The following CAND1 variants were observed in gnomAD, a reference collection of about 807,000 sequenced individuals.
CAND1 encodes the protein cullin-associated NEDD8-dissociated protein 1.
Under a neutral mutation model 108.5 loss-of-function variants are expected in CAND1, and 7 were observed. That is an observed-to-expected ratio of 0.06 (90% CI 0.04 to 0.12). The LOEUF (loss-of-function observed/expected upper bound fraction) is 0.12, where lower values mean the gene tolerates loss of function less well. CAND1 is among the 10% of genes least tolerant of loss of function. The pLI is 1.00. For missense variants in CAND1, 941 were observed against 1,448.7 expected, an observed-to-expected ratio of 0.65 and a Z score of 5.69; for synonymous variants, 534 against 512.0, an observed-to-expected ratio of 1.04 and a Z score of -0.58.
chr12:67,292,255 T>C (rs996537496), intron 2 of CAND1, among the ~76,000 whole-genome samples: 5 of 152,150 alleles, frequency 3.3e-5, no homozygotes, highest in African/African-American at 1.2e-4. Context: ...GGAGGATTGC[T>C]TGAGCCCAGG....
chr12:67,269,447 G>C lies in CAND1; in HGVS notation c.-271G>C, dbSNP rs1046850696. 6.3e-6 allele frequency: 3 copies of C among 474,622 alleles called. No homozygotes were observed. The highest frequency in any genetic ancestry group is 1.1e-5 in the Non-Finnish European group (3 of 271,626). The allele number at this position is 474,622 out of a possible 1,614,324, so 29.4% of individuals were successfully genotyped here. ...GCTCCCCGTAGAGGCCCTTCTGTAC[G>C]CCCCGCCGCCCATGAGCTCGTTCTC... On this transcript the variant is annotated 5_prime_UTR_variant, in exon 1 of 15. Coordinates refer to ENST00000545606, the MANE Select transcript of CAND1 (RefSeq NM_018448.5).
chr12:67,269,359 T>C lies in CAND1; in HGVS notation c.-359T>C. On this transcript the variant is annotated 5_prime_UTR_variant, in exon 1 of 15. Coordinates refer to ENST00000545606, the MANE Select transcript of CAND1 (RefSeq NM_018448.5). ...GGAGCGAAGGAGGCGGGCTTTGGCC[T>C]TTTGCCCTAGGGAGCGAGTGCGGAG... 1 of 264,162 alleles carries C rather than the reference T, an allele frequency of 3.8e-6. No individual in the cohort carries two copies. Among genetic ancestry groups the C allele is most frequent in the Non-Finnish European group, 7.2e-6 (1 of 138,734 alleles). The allele number at this position is 264,162 out of a possible 1,614,324, so 16.4% of individuals were successfully genotyped here. A position where few individuals can be genotyped will look rare whatever the true frequency, so the allele number is the denominator to read the frequency against.
intron 1 of CAND1, among the ~76,000 whole-genome samples, chr12:67,280,563 G>T (rs2044610175): frequency 6.6e-6 from 1 of 152,200 alleles, no homozygotes; most frequent in Non-Finnish European, 1.5e-5. Context: ...AGTTATCTTA[G>T]TTGGATTGCT....
intron 1 of CAND1, among the ~76,000 whole-genome samples, chr12:67,279,410 T>C (rs773728470): frequency 3.8e-4 from 58 of 152,176 alleles, no homozygotes; most frequent in Admixed American, 7.9e-4. Flanking sequence ...TCAAACAGCT[T>C]CCTTAATAAG....
At chr12:67,293,057 G>C (rs2044736518) in intron 3 of CAND1, 1 of 333,154 alleles carries the variant, frequency 3.0e-6, no homozygotes, top group Admixed American at 5.2e-5. Flanking sequence ...CATGACTGCA[G>C]ACTAGAGTTA....
Position 67,302,486 on chromosome 12 carries a change from G to T in CAND1, c.1164G>T (p.Glu388Asp). The change falls in exon 8 of 15, where the codon GAG (glutamate) becomes GAT (aspartate). Residue 388 changes from glutamate (E) to aspartate (D), a missense_variant. Physicochemically the swap from Glu to Asp is conservative, Grantham distance 45 (BLOSUM62 2). Transcript: ENST00000545606. Reference protein sequence around the residue: ...ALISRFKEREENVKADVFHAY... With the variant: ...ALISRFKEREDNVKADVFHAY... ...TATCCAGATTTAAAGAGCGTGAAGA[G>T]AATGTAAAGGCAGATGTTTTTCACG... The T allele has an allele frequency of 1.2e-6, 2 of 1,614,162 alleles. No individual in the cohort carries two copies. The highest frequency in any genetic ancestry group is 8.5e-7 in the Non-Finnish European group (1 of 1,179,982).
chr12:67,293,889 T>C (rs2136006180), intron 3 of CAND1, among the ~76,000 whole-genome samples: 1 of 152,316 alleles, frequency 6.6e-6, no homozygotes, highest in Middle Eastern at 3.4e-3. Context: ...ATCAATCATA[T>C]GGGAGGTCTT....
chr12:67,274,414 C>T (rs1364191442), intron 1 of CAND1, among the ~76,000 whole-genome samples: 1 of 152,154 alleles, frequency 6.6e-6, no homozygotes, highest in Non-Finnish European at 1.5e-5. Flanking sequence ...AAATGTAAAG[C>T]ACACGATACA....
intron 2 of CAND1, among the ~76,000 whole-genome samples, chr12:67,290,208 A>C (rs540436871): frequency 6.6e-6 from 1 of 152,108 alleles, no homozygotes; most frequent in Admixed American, 6.5e-5. Context: ...TTTTCTCACT[A>C]TCTCATGAAA....
In CAND1 at chr12:67,318,870, C is replaced by T. The variant is rs1336738078; in HGVS notation, c.*6040C>T. 3 of 152,158 alleles carry T rather than the reference C, an allele frequency of 2.0e-5. No homozygotes were observed. Among genetic ancestry groups the T allele is most frequent in the African/African-American group, 7.2e-5 (3 of 41,424 alleles). The allele number at this position is 152,158 out of a possible 1,614,324, so 9.4% of individuals were successfully genotyped here. On this transcript the variant is annotated 3_prime_UTR_variant, in exon 15 of 15. Coordinates refer to ENST00000545606, the MANE Select transcript of CAND1 (RefSeq NM_018448.5). ...ATAATTGAGGGTATGGTCCATTCAA[C>T]ATGAGTGAGACAGAAACAATTCATA...
At chr12:67,273,794 A>G (rs1350097096) in intron 1 of CAND1, among the ~76,000 whole-genome samples, 1 of 152,096 alleles carries the variant, frequency 6.6e-6, no homozygotes, top group East Asian at 1.9e-4. Flanking sequence ...TTATTTTCAT[A>G]TTCTTCAACC....
intron 8 of CAND1, 94 bp downstream of exon 8, chr12:67,302,709 T>C (rs1374082789): frequency 2.7e-6 from 3 of 1,091,920 alleles, no homozygotes; most frequent in Non-Finnish European, 1.3e-6. Flanking sequence ...AGAATATCTA[T>C]AGAGAAGCAG....
At position 67,279,782 on chromosome 12, in the gene CAND1, G is replaced by A. The variant is rs940311264; in HGVS notation, c.69-2128G>A. On this transcript the variant is annotated intron_variant, in intron 1 of 14. Transcript: ENST00000545606. ...AATAAGTAAAGAATGAATTTGTGCC[G>A]GTAGAACCATACAGGACCATAAAAC... is the stretch of plus-strand genomic sequence containing the variant. Among the ~76,000 whole-genome samples the A allele has an allele frequency of 9.9e-5, 15 of 152,150 alleles. No homozygotes were observed. In the East Asian group the frequency reaches 1.3e-3, roughly 14 times the overall value.
Position 67,297,849 on chromosome 12 carries a change from A to G in CAND1, c.850A>G (p.Arg284Gly), listed in dbSNP as rs2044785134. 1.3e-6 allele frequency: 2 copies of G among 1,563,650 alleles called. No homozygotes were observed. Among genetic ancestry groups the G allele is most frequent in the African/African-American group, 1.4e-5 (1 of 73,218 alleles). ...YCIQAFESFV[R>G]RCPKEVYPHV... ...TATTCAAGCCTTTGAATCATTTGTA[A>G]GAAGGTAAGTTTTTAAGATCTCTAT... The change falls in exon 6 of 15, where the codon AGA becomes GGA. Residue 284 changes from arginine (R) to glycine (G), a missense_variant. Around this residue, in one of 9 missense-constraint regions of CAND1, gnomAD observed 697 missense variants for 942.0 expected, o/e 0.74. Transcript: ENST00000545606.
intron 3 of CAND1, chr12:67,293,072 A>G (rs2044736673): frequency 3.2e-6 from 1 of 310,928 alleles, no homozygotes; most frequent in Non-Finnish European, 6.0e-6. Context: ...GAGTTATGCC[A>G]ACCTATGCAG....
intron 1 of CAND1, chr12:67,270,000 T>C: frequency 2.0e-6 from 1 of 511,298 alleles, no homozygotes; most frequent in Non-Finnish European, 3.4e-6. Context: ...CCTAGGCAGT[T>C]GCCCGCCGCG....
intron 7 of CAND1, among the ~76,000 whole-genome samples, chr12:67,300,720 T>G (rs1327426179): frequency 6.6e-6 from 1 of 152,212 alleles, no homozygotes; most frequent in East Asian, 1.9e-4. Flanking sequence ...GCTAGATGTT[T>G]TAATCTCTTG....
intron 2 of CAND1, among the ~76,000 whole-genome samples, chr12:67,284,358 T>A (rs1228614872): frequency 6.7e-6 from 1 of 149,990 alleles, no homozygotes; most frequent in Non-Finnish European, 1.5e-5. Context: ...ATTAGTAACA[T>A]ACTGTGACTA....
chr12:67,269,956 T>G, intron 1 of CAND1, 171 bp downstream of exon 1: 2 of 555,230 alleles, frequency 3.6e-6, no homozygotes, highest in Admixed American at 3.9e-5. Context: ...CCCTTTCCTC[T>G]CCCCTCTTGC....
Sources: gnomAD v4.1 joint callset for allele counts (sites outside exome capture counted in the v4.1 genomes callset) on GRCh38, gnomAD v4.1.1 for gene constraint, gnomAD v4.1.1 regional missense constraint, MANE v1.5 for transcripts, NCBI Gene and HGNC (gene_info 2026-07-23, HGNC 2026-07-21) for gene names.